The following LRRC8C variants were observed in gnomAD, a reference collection of about 807,000 sequenced individuals.
LRRC8C encodes leucine rich repeat containing 8 VRAC subunit C, also known as volume-regulated anion channel subunit LRRC8C.
Under a neutral mutation model 55.3 loss-of-function variants are expected in LRRC8C, and 20 were observed. The ratio of observed to expected loss-of-function variants is 0.36; its 90% CI spans 0.25 to 0.53. The LOEUF is 0.53. Ranked by LOEUF, LRRC8C falls within the 20% of genes least tolerant of loss-of-function variation. The pLI is 0.92. For synonymous variants in LRRC8C, 376 were observed against 360.7 expected (o/e 1.04, Z -0.48); for missense variants, 659 against 951.4 (o/e 0.69, Z 4.04).
At chr1:89,635,029 A>C (rs1656238848) in intron 1 of LRRC8C, among the ~76,000 whole-genome samples, 1 of 152,234 alleles carries the variant, frequency 6.6e-6, no homozygotes, top group Non-Finnish European at 1.5e-5. Context: ...AGCCTTTATT[A>C]ATAGTACTAA....
At chr1:89,634,339 G>C (rs1656220279) in intron 1 of LRRC8C, among the ~76,000 whole-genome samples, 1 of 152,180 alleles carries the variant, frequency 6.6e-6, no homozygotes, top group African/African-American at 2.4e-5. Flanking sequence ...GCCGGTGTTT[G>C]GCACGGGGAG....
intron 2 of LRRC8C, among the ~76,000 whole-genome samples, chr1:89,701,247 C>T (rs1239873852): frequency 6.6e-6 from 1 of 152,166 alleles, no homozygotes; most frequent in Non-Finnish European, 1.5e-5. Flanking sequence ...GAGGCCGAGG[C>T]AGGCGGATCA....
intron 1 of LRRC8C, among the ~76,000 whole-genome samples, chr1:89,641,583 A>G (rs1209905811): frequency 6.6e-6 from 1 of 152,070 alleles, no homozygotes; most frequent in Admixed American, 6.5e-5. Context: ...CTCTCAATTT[A>G]GACAGTCTTT....
At chr1:89,647,926 G>A (rs941564078) in intron 1 of LRRC8C, among the ~76,000 whole-genome samples, 29 of 152,084 alleles carry the variant, frequency 1.9e-4, no homozygotes, top group African/African-American at 6.3e-4. Flanking sequence ...AAAATTAGCC[G>A]GGCATGGTGG....
At chr1:89,633,517 G>C (rs1436284568) in intron 1 of LRRC8C, among the ~76,000 whole-genome samples, 195 bp downstream of exon 1, 1 of 152,182 alleles carries the variant, frequency 6.6e-6, no homozygotes, top group Non-Finnish European at 1.5e-5. Flanking sequence ...TGCGGCTCAG[G>C]AGCCCGCCAA....
chr1:89,616,125 C>T, the LRRC8C span, among the ~76,000 whole-genome samples: 3 of 152,112 alleles, frequency 2.0e-5, no homozygotes, highest in Non-Finnish European at 4.4e-5. Context: ...TGTGCCTCCA[C>T]CACTAGGGGG....
At chr1:89,680,504 T>C (rs1480213308) in intron 1 of LRRC8C, among the ~76,000 whole-genome samples, 1 of 151,468 alleles carries the variant, frequency 6.6e-6, no homozygotes, top group Non-Finnish European at 1.5e-5. Context: ...CCACAGGATA[T>C]TTGAATTGGT....
chr1:89,683,444 G>A (rs562608358), intron 1 of LRRC8C, among the ~76,000 whole-genome samples: 2 of 146,502 alleles, frequency 1.4e-5, no homozygotes, highest in East Asian at 4.1e-4. Context: ...TGCAACCTTC[G>A]CCTCCCAAGT....
chr1:89,643,845 A>G (rs969684539), intron 1 of LRRC8C, among the ~76,000 whole-genome samples: 3 of 152,232 alleles, frequency 2.0e-5, no homozygotes, highest in Non-Finnish European at 4.4e-5. Flanking sequence ...CTCACCCTCT[A>G]AAACCGGGCT....
intron 1 of LRRC8C, among the ~76,000 whole-genome samples, chr1:89,651,181 T>G (rs1332458852): frequency 6.6e-6 from 1 of 152,188 alleles, no homozygotes; most frequent in Non-Finnish European, 1.5e-5. Context: ...CTGTGGCCCA[T>G]GCATTTTGAG....
rs914492033 is a variant in LRRC8C at position 89,718,738 on chromosome 1, C to T, written c.*3756C>T. 7 of 152,116 alleles carry T rather than the reference C, an allele frequency of 4.6e-5. No homozygotes were observed. Among genetic ancestry groups the T allele is most frequent in the Non-Finnish European group, 1.0e-4 (7 of 68,006 alleles). The allele number at this position is 152,116 out of a possible 1,614,324, so 9.4% of individuals were successfully genotyped here. ...AGAGACTAAATTAAGATTCAATTAA[C>T]ATTATCCTATGAATTCTGAATGTGA... On this transcript the variant is annotated 3_prime_UTR_variant, in exon 3 of 3. Coordinates refer to ENST00000370454, the MANE Select transcript of LRRC8C (RefSeq NM_032270.5).
intron 1 of LRRC8C, among the ~76,000 whole-genome samples, chr1:89,644,243 C>T (rs549647022): frequency 5.3e-5 from 8 of 152,328 alleles, no homozygotes; most frequent in East Asian, 3.9e-4. Context: ...GGCACAATCT[C>T]GGCCCACTGC....
chr1:89,652,936 A>G (rs1442163569), intron 1 of LRRC8C, among the ~76,000 whole-genome samples: 1 of 152,162 alleles, frequency 6.6e-6, no homozygotes, highest in African/African-American at 2.4e-5. Flanking sequence ...GGGGACAGCA[A>G]ATATAAATAT....
chr1:89,644,585 C>T (rs142341481), intron 1 of LRRC8C, among the ~76,000 whole-genome samples: 1,729 of 152,270 alleles, frequency 0.011, 16 homozygotes, highest in Non-Finnish European at 0.019. Context: ...GTACCCAGTC[C>T]ATATGGTCTA....
rs190146609 is a variant in LRRC8C, at chr1:89,639,484, G to A, written c.-5+6162G>A. ...AGGAGCTTGTCTCCTTTATATATTG[G>A]CTGCTTTCAGCATCTGGAGCCTGGC... On this transcript the variant is annotated intron_variant, in intron 1 of 2. Coordinates refer to ENST00000370454, the MANE Select transcript of LRRC8C (RefSeq NM_032270.5). Among the ~76,000 whole-genome samples, 7 of 152,218 alleles carry A rather than the reference G, an allele frequency of 4.6e-5. No homozygotes were observed. In the East Asian group the frequency reaches 1.4e-3, roughly 29 times the overall value.
the LRRC8C span, among the ~76,000 whole-genome samples, chr1:89,616,746 G>A: frequency 6.6e-6 from 1 of 152,172 alleles, no homozygotes; most frequent in East Asian, 1.9e-4. Context: ...AGAGCATAAA[G>A]TTTAAATTTG....
At chr1:89,668,218 A>G (rs1657323330) in intron 1 of LRRC8C, 1 of 152,612 alleles carries the variant, frequency 6.6e-6, no homozygotes, top group Non-Finnish European at 1.5e-5. Context: ...GTTCTTGGAA[A>G]TCACATACAG....
chr1:89,706,409 T>A, intron 2 of LRRC8C: 1 of 450,204 alleles, frequency 2.2e-6, no homozygotes, highest in Non-Finnish European at 4.4e-6. Flanking sequence ...AGGTGGGTTC[T>A]GCTTTTTCAC....
intron 1 of LRRC8C, among the ~76,000 whole-genome samples, chr1:89,633,536 C>G (rs1032921333): frequency 1.4e-4 from 21 of 152,346 alleles, no homozygotes; most frequent in Admixed American, 1.2e-3. Context: ...AACCCCTACC[C>G]CACCCAATCC....
Sources: allele counts gnomAD v4.1 joint callset (sites outside exome capture counted in the v4.1 genomes callset), GRCh38; gene constraint gnomAD v4.1.1; transcripts MANE v1.5; gene names NCBI Gene and HGNC (gene_info 2026-07-23, HGNC 2026-07-21).